Variants in LRRC8B observed in about 807,000 individuals in gnomAD.
LRRC8B encodes the protein volume-regulated anion channel subunit LRRC8B.
In LRRC8B, 23 loss-of-function variants were observed where a neutral mutation model predicts 58.8. The ratio of observed to expected loss-of-function variants is 0.39; its 90% CI spans 0.28 to 0.55. The LOEUF is 0.55. Among genes scored for constraint, LRRC8B ranks in the 20% least tolerant of loss-of-function variants. The pLI, the probability that LRRC8B is intolerant of heterozygous loss-of-function variation, is 0.62. For synonymous variants in LRRC8B, 359 were observed against 374.1 expected, an observed-to-expected ratio of 0.96 and a Z score of 0.47; for missense variants, 694 against 936.0, an observed-to-expected ratio of 0.74 and a Z score of 3.37.
chr1:89,562,054 T>C (rs1321011626), intron 1 of LRRC8B, among the ~76,000 whole-genome samples: 1 of 151,992 alleles, frequency 6.6e-6, no homozygotes, highest in African/African-American at 2.4e-5. Context: ...GATGGATGGA[T>C]GGATTGATCT....
At chr1:89,525,956 C>T (rs1649662535) in intron 1 of LRRC8B, among the ~76,000 whole-genome samples, 1 of 152,146 alleles carries the variant, frequency 6.6e-6, no homozygotes, top group Non-Finnish European at 1.5e-5. Context: ...GCAATTTGTT[C>T]AGCGTATATT....
At position 89,584,828 on chromosome 1, in the gene LRRC8B, G is replaced by A. The variant is rs541300807; in HGVS notation, c.2139+39G>A. ...TTCTTTCTTTTATTCAGTATCTGCCGTACTTATAGTGCATTACATAGGGAA... is the reference window on the plus strand; with the variant it reads ...TTCTTTCTTTTATTCAGTATCTGCCATACTTATAGTGCATTACATAGGGAA... On this transcript the variant is annotated intron_variant, in intron 5 of 5. Transcript: ENST00000330947. 179 of 1,358,398 alleles carry A rather than the reference G, an allele frequency of 1.3e-4. 2 individuals carry two copies. In the South Asian group the frequency reaches 1.5e-3, roughly 12 times the overall value. The allele number at this position is 1,358,398 out of a possible 1,614,324, so 84.1% of individuals were successfully genotyped here.
intron 1 of LRRC8B, among the ~76,000 whole-genome samples, chr1:89,557,728 T>C (rs1652295781): frequency 6.6e-6 from 1 of 152,234 alleles, no homozygotes; most frequent in African/African-American, 2.4e-5. Context: ...AGCAGATACA[T>C]AAAAGTTTCC....
chr1:89,591,616 TACA>T lies in LRRC8B; in HGVS notation c.2140-1151_2140-1149del, dbSNP rs746902835. On this transcript the variant is annotated intron_variant, in intron 5 of 5. Transcript: ENST00000330947. The stretch of plus-strand genomic sequence containing the variant: ...AGGGGTGATGTAGGAGAATGGAGTT[TACA>T]ACATCATTAACATTTTTAATGGAAT... Among the ~76,000 whole-genome samples the T allele has an allele frequency of 1.1e-4, 16 of 152,316 alleles. No individual in the cohort carries two copies. The East Asian group carries it at 1.2e-3, about 11-fold the overall frequency.
chr1:89,535,588 G>T (rs1340084083), intron 1 of LRRC8B, among the ~76,000 whole-genome samples: 1 of 152,154 alleles, frequency 6.6e-6, no homozygotes, highest in Non-Finnish European at 1.5e-5. Context: ...AAACTAATTT[G>T]ATACCAAATT....
At chr1:89,592,388 G>A (rs1557627553) in intron 5 of LRRC8B, among the ~76,000 whole-genome samples, 1 of 152,190 alleles carries the variant, frequency 6.6e-6, no homozygotes, top group African/African-American at 2.4e-5. Flanking sequence ...GAAGACTCTT[G>A]AGGGTAATTT....
intron 1 of LRRC8B, among the ~76,000 whole-genome samples, chr1:89,544,807 G>T (rs923892758): frequency 5.9e-5 from 9 of 152,150 alleles, no homozygotes; most frequent in Non-Finnish European, 1.2e-4. Flanking sequence ...TTTGCAGTTT[G>T]ATATGAATGA....
At chr1:89,589,740 T>A (rs1476316062) in intron 5 of LRRC8B, among the ~76,000 whole-genome samples, 1 of 150,910 alleles carries the variant, frequency 6.6e-6, no homozygotes, top group Non-Finnish European at 1.5e-5. Context: ...TGGTAAGCAT[T>A]TCCTGAGATG....
chr1:89,560,607 A>G (rs1215442), intron 1 of LRRC8B, among the ~76,000 whole-genome samples: 72,395 of 143,014 alleles, frequency 0.51, 18,523 homozygotes, highest in South Asian at 0.56. Context: ...TCATTGTTCA[A>G]TTCCCACCTA....
intron 1 of LRRC8B, among the ~76,000 whole-genome samples, chr1:89,527,596 T>C (rs1248615640): frequency 6.6e-6 from 1 of 152,258 alleles, no homozygotes; most frequent in Non-Finnish European, 1.5e-5. Flanking sequence ...TTGTGTCATA[T>C]CTGTTTTCAT....
chr1:89,571,247 A>G (rs1479267763), intron 3 of LRRC8B, among the ~76,000 whole-genome samples: 1 of 152,210 alleles, frequency 6.6e-6, no homozygotes, highest in Non-Finnish European at 1.5e-5. Flanking sequence ...AGTTCTGTGA[A>G]GAATTTCAAT....
Position 89,594,423 on chromosome 1 carries a change from C to T in LRRC8B, c.*1380C>T, listed in dbSNP as rs1655183153. On this transcript the variant is annotated 3_prime_UTR_variant, in exon 6 of 6. Transcript: ENST00000330947. ...ATCGTACGGGTAAAATTCTTAATTA[C>T]TTACAAAAACTGTGATAGAGGGGAG... The T allele has an allele frequency of 6.6e-6, 1 of 152,120 alleles. No homozygotes were observed. Among genetic ancestry groups the T allele is most frequent in the South Asian group, 2.1e-4 (1 of 4,824 alleles). 9.4% of individuals were successfully genotyped at this position (152,120 alleles called of 1,614,324 possible). A position where few individuals can be genotyped will look rare whatever the true frequency, so the allele number is the denominator to read the frequency against.
intron 5 of LRRC8B, 87 bp from the exon 6 acceptor site, chr1:89,592,683 GT>G (rs34096201): frequency 0.013 from 12,070 of 928,530 alleles, no homozygotes; most frequent in Middle Eastern, 0.016. Context: ...GAAATGTTTT[GT>G]TTTTTTTTTT....
rs922588238 is a variant in LRRC8B at position 89,596,481 on chromosome 1, G to A, written c.*3438G>A. 28 of 151,690 alleles carry A rather than the reference G, an allele frequency of 1.8e-4. No individual in the cohort carries two copies. The highest frequency in any genetic ancestry group is 1.8e-3 in the Admixed American group (27 of 15,242). The allele number at this position is 151,690 out of a possible 1,614,324, so 9.4% of individuals were successfully genotyped here. On this transcript the variant is annotated 3_prime_UTR_variant, in exon 6 of 6. Coordinates refer to ENST00000330947, the MANE Select transcript of LRRC8B (RefSeq NM_001369817.2). ...GTTTGATAGTGAAAAATTTTTTTTCGGTTCAAGTGTTTTGTGATTAAAATT... is the reference window on the plus strand; with the variant it reads ...GTTTGATAGTGAAAAATTTTTTTTCAGTTCAAGTGTTTTGTGATTAAAATT...
chr1:89,532,734 G>A (rs1047407448), intron 1 of LRRC8B, among the ~76,000 whole-genome samples: 8 of 152,168 alleles, frequency 5.3e-5, no homozygotes, highest in Non-Finnish European at 1.2e-4. Flanking sequence ...TCATTAGTGT[G>A]AGAATGGACT....
chr1:89,578,261 T>C (rs955803985), intron 3 of LRRC8B, among the ~76,000 whole-genome samples: 4 of 152,340 alleles, frequency 2.6e-5, no homozygotes, highest in East Asian at 1.9e-4. Context: ...CTGAGTAACA[T>C]TTTTGAATTA....
intron 1 of LRRC8B, among the ~76,000 whole-genome samples, chr1:89,550,168 C>T (rs776318956): frequency 2.6e-5 from 4 of 152,184 alleles, no homozygotes; most frequent in South Asian, 2.1e-4. Flanking sequence ...AGAACCTGCT[C>T]GAAAGCACTT....
At chr1:89,559,663 CACAT>C (rs552011676) in intron 1 of LRRC8B, among the ~76,000 whole-genome samples, 148 of 150,698 alleles carry the variant, frequency 9.8e-4, no homozygotes, top group Non-Finnish European at 2.0e-3. Flanking sequence ...TATATGTACA[CACAT>C]ACACACACCC....
chr1:89,587,378 A>T (rs1304504111), intron 5 of LRRC8B, among the ~76,000 whole-genome samples: 5 of 152,066 alleles, frequency 3.3e-5, no homozygotes, highest in Non-Finnish European at 7.4e-5. Context: ...TACTAATAAT[A>T]AAAAAATTAG....
Sources: allele counts gnomAD v4.1 joint callset (sites outside exome capture counted in the v4.1 genomes callset), GRCh38; gene constraint gnomAD v4.1.1; transcripts MANE v1.5; gene names NCBI Gene and HGNC (gene_info 2026-07-23, HGNC 2026-07-21).